Variants in IL1RAPL1 observed in about 807,000 individuals in gnomAD.
The protein encoded by IL1RAPL1 is interleukin-1 receptor accessory protein-like 1.
IL1RAPL1 carries 3 observed loss-of-function variants against 48.4 expected under a neutral mutation model. The ratio of observed to expected loss-of-function variants is 0.06; its 90% CI spans 0.03 to 0.16. The LOEUF is 0.16. IL1RAPL1 is among the 10% of genes least tolerant of loss of function. The pLI, the probability that IL1RAPL1 is intolerant of heterozygous loss-of-function variation, is 1.00. For synonymous variants in IL1RAPL1, 185 were observed against 187.7 expected (o/e 0.99, Z 0.12); for missense variants, 349 against 530.6 (o/e 0.66, Z 3.36).
intron 2 of IL1RAPL1, among the ~76,000 whole-genome samples, chrX:28,845,116 C>T (rs749366455): frequency 9.0e-6 from 1 of 111,423 alleles, no homozygotes; most frequent in Non-Finnish European, 1.9e-5. Flanking sequence ...GTAAAAGATA[C>T]GATTTGTCAT....
At chrX:29,035,515 G>C (rs867967253) in intron 2 of IL1RAPL1, among the ~76,000 whole-genome samples, 16 of 111,295 alleles carry the variant, frequency 1.4e-4, no homozygotes, top group Non-Finnish European at 2.3e-4. Flanking sequence ...AACTTTAGGC[G>C]GGTTAAAAAT....
intron 5 of IL1RAPL1, among the ~76,000 whole-genome samples, chrX:29,515,497 G>A (rs772222498): frequency 8.9e-6 from 1 of 111,868 alleles, no homozygotes; most frequent in African/African-American, 3.3e-5. Flanking sequence ...TCCATAAATG[G>A]AATCATACAG....
intron 2 of IL1RAPL1, among the ~76,000 whole-genome samples, chrX:28,924,754 A>G (rs1923698280): frequency 8.9e-6 from 1 of 112,366 alleles, no homozygotes; most frequent in African/African-American, 3.2e-5. Context: ...TACATGATGG[A>G]AATACATGGA....
chrX:28,729,783 G>T (rs186602262), intron 1 of IL1RAPL1, among the ~76,000 whole-genome samples: 1 of 110,656 alleles, frequency 9.0e-6, no homozygotes, highest in Non-Finnish European at 1.9e-5. Flanking sequence ...GGATCATGAG[G>T]TCAGGAGATT....
chrX:29,156,809 C>T (rs1356674315), intron 2 of IL1RAPL1, among the ~76,000 whole-genome samples: 1 of 111,674 alleles, frequency 9.0e-6, no homozygotes, highest in African/African-American at 3.3e-5. Flanking sequence ...GACCTTGTAA[C>T]ACATTTGACA....
chrX:29,120,624 C>CTATT (rs1928764579), intron 2 of IL1RAPL1, among the ~76,000 whole-genome samples: 4 of 110,613 alleles, frequency 3.6e-5, no homozygotes, highest in Admixed American at 1.9e-4. Context: ...GCTATTGAGG[C>CTATT]TATTTTTTGG....
At chrX:28,681,066 T>C (rs1432032969) in intron 1 of IL1RAPL1, among the ~76,000 whole-genome samples, 1 of 111,779 alleles carries the variant, frequency 8.9e-6, no homozygotes, top group Non-Finnish European at 1.9e-5. Flanking sequence ...TGTTGGAAGG[T>C]TTTTGATTAC....
intron 1 of IL1RAPL1, among the ~76,000 whole-genome samples, chrX:28,660,566 T>C (rs1212370317): frequency 8.9e-6 from 1 of 111,836 alleles, no homozygotes; most frequent in Admixed American, 9.5e-5. Context: ...AGCTAGGACA[T>C]GGAATGACTA....
intron 5 of IL1RAPL1, among the ~76,000 whole-genome samples, chrX:29,578,356 G>A (rs1056241381): frequency 8.9e-6 from 1 of 112,033 alleles, no homozygotes; most frequent in African/African-American, 3.2e-5. Flanking sequence ...AGCAAAGTGA[G>A]GATGATGATT....
intron 1 of IL1RAPL1, among the ~76,000 whole-genome samples, chrX:28,673,715 A>G (rs1934970679): frequency 9.0e-6 from 1 of 111,682 alleles, no homozygotes; most frequent in African/African-American, 3.3e-5. Flanking sequence ...GGTGTGATCC[A>G]TGACCCTTGT....
intron 5 of IL1RAPL1, 132 bp downstream of exon 5, chrX:29,399,440 G>GGAAT: frequency 1.9e-6 from 1 of 523,783 alleles, no homozygotes; most frequent in Non-Finnish European, 3.2e-6. Context: ...TCCTATAGGT[G>GGAAT]AAATTTATTC....
chrX:29,586,469 C>T (rs1245821315), intron 5 of IL1RAPL1, among the ~76,000 whole-genome samples: 1 of 111,672 alleles, frequency 9.0e-6, no homozygotes, highest in Non-Finnish European at 1.9e-5. Flanking sequence ...GTTATAAAAT[C>T]AGGAAGTGTG....
chrX:29,277,660 T>C (rs190652449), intron 2 of IL1RAPL1, among the ~76,000 whole-genome samples: 1 of 112,156 alleles, frequency 8.9e-6, no homozygotes, highest in Non-Finnish European at 1.9e-5. Flanking sequence ...TTTTAGTTAT[T>C]ATTCCAAGAT....
intron 6 of IL1RAPL1, among the ~76,000 whole-genome samples, chrX:29,906,460 AATATATATAT>A (rs1164023016): frequency 4.2e-3 from 125 of 29,828 alleles, no homozygotes; most frequent in Non-Finnish European, 5.2e-3. Flanking sequence ...TAACTTTGTA[AATATATATAT>A]ATATATATAT....
At chrX:28,626,000 T>G (rs1934337652) in intron 1 of IL1RAPL1, among the ~76,000 whole-genome samples, 1 of 112,103 alleles carries the variant, frequency 8.9e-6, no homozygotes, top group Admixed American at 9.4e-5. Context: ...CTGTAATAAT[T>G]TATTTTTCTT....
At chrX:28,787,868 A>G (rs1441182855) in intron 1 of IL1RAPL1, among the ~76,000 whole-genome samples, 1 of 111,616 alleles carries the variant, frequency 9.0e-6, no homozygotes, top group Non-Finnish European at 1.9e-5. Flanking sequence ...TCATAAGTTT[A>G]CAATATATTT....
intron 1 of IL1RAPL1, among the ~76,000 whole-genome samples, chrX:28,603,402 G>A (rs1325621529): frequency 1.8e-5 from 2 of 111,997 alleles, no homozygotes; most frequent in Admixed American, 9.5e-5. Context: ...AAATGCTCAC[G>A]TGAATAACTT....
intron 2 of IL1RAPL1, among the ~76,000 whole-genome samples, chrX:28,979,013 T>C (rs1925269158): frequency 8.9e-6 from 1 of 111,790 alleles, no homozygotes; most frequent in Admixed American, 9.5e-5. Flanking sequence ...GTGTGATGTT[T>C]ATAACTGAGT....
At chrX:28,806,593 G>A (rs1277747851) in intron 2 of IL1RAPL1, among the ~76,000 whole-genome samples, 1 of 111,195 alleles carries the variant, frequency 9.0e-6, no homozygotes. Context: ...GTGAATAGAA[G>A]TGGCCTACAA....
Sources: allele counts gnomAD v4.1 joint callset (sites outside exome capture counted in the v4.1 genomes callset), GRCh38; gene constraint gnomAD v4.1.1; transcripts MANE v1.5; gene names NCBI Gene and HGNC (gene_info 2026-07-23, HGNC 2026-07-21).